The following THSD1 variants were observed in gnomAD, a reference collection of about 807,000 sequenced individuals.
THSD1 encodes thrombospondin type 1 domain containing 1.
THSD1 carries 34 observed loss-of-function variants against 46.3 expected under a neutral mutation model. The observed-to-expected ratio is 0.74, with a 90% CI of 0.56 to 0.98. THSD1 has a LOEUF of 0.98. Among genes scored for constraint, THSD1 ranks in the 50% least tolerant of loss-of-function variants. THSD1 has a pLI of 0.00. For missense variants in THSD1, 1,023 were observed against 1,058.3 expected, an observed-to-expected ratio of 0.97 and a Z score of 0.46; for synonymous variants, 407 against 416.5, an observed-to-expected ratio of 0.98 and a Z score of 0.28.
At position 52,386,034 on chromosome 13, in the gene THSD1, A is replaced by G. The variant is rs765558498; in HGVS notation, c.1174T>C (p.Cys392Arg). The change falls in exon 4 of 5, where the codon TGT becomes CGT. Residue 392 changes from cysteine to arginine, a missense_variant. Cys to Arg is a radical substitution (Grantham distance 180). Coordinates refer to ENST00000258613, the MANE Select transcript of THSD1 (RefSeq NM_018676.4). ...AGGAAGCAAGAATACCTACCAGCACACTCCTCCAGGGAACACAGGGAGGCC... is the reference window on the plus strand; with the variant it reads ...AGGAAGCAAGAATACCTACCAGCACGCTCCTCCAGGGAACACAGGGAGGCC... The part of the protein sequence containing the change: ...LEASLCSLEE[C>R]AAFQPSSPSP... 6.2e-7 allele frequency: 1 copy of G among 1,613,256 alleles called. No individual in the cohort carries two copies. The highest frequency in any genetic ancestry group is 8.5e-7 in the Non-Finnish European group (1 of 1,179,740).
Position 52,378,118 on chromosome 13 carries a change from T to C in THSD1, c.1852A>G (p.Ile618Val). Residue 618 changes from isoleucine (I) to valine (V), a missense_variant, in exon 5 of 5, where the codon ATA becomes GTA. By Grantham distance (29) the Ile-to-Val change is conservative. Coordinates refer to ENST00000258613, the MANE Select transcript of THSD1 (RefSeq NM_018676.4). The part of the protein sequence containing the change: ...DLNVTQASCA[I>V]SPSQTLIRKS... ...CGGATCAGAGTCTGGCTGGGGCTTA[T>C]GGCACAACTGGCCTGAGTCACATTT... 6.2e-7 allele frequency: 1 copy of C among 1,614,206 alleles called. No homozygotes were observed. The highest frequency in any genetic ancestry group is 8.5e-7 in the Non-Finnish European group (1 of 1,180,024).
chr13:52,379,961 C>T (rs1425828656), intron 4 of THSD1, among the ~76,000 whole-genome samples: 1 of 152,146 alleles, frequency 6.6e-6, no homozygotes, highest in African/African-American at 2.4e-5. Flanking sequence ...TAAGACTTGG[C>T]AATACATAAT....
intron 2 of THSD1, 105 bp from the exon 3 acceptor site, chr13:52,398,299 C>T (rs1957827257): frequency 6.7e-7 from 1 of 1,491,388 alleles, no homozygotes; most frequent in Non-Finnish European, 8.9e-7. Flanking sequence ...GAGACAGGGT[C>T]TCATGCTGTC....
At chr13:52,404,388 T>C (rs1957890942) in intron 1 of THSD1, among the ~76,000 whole-genome samples, 1 of 152,222 alleles carries the variant, frequency 6.6e-6, no homozygotes, top group Admixed American at 6.5e-5. Context: ...GTGTGTCTTA[T>C]TAGCTTTCTT....
Position 52,378,802 on chromosome 13 carries a change from A to C in THSD1, c.1181-13T>G, listed in dbSNP as rs555230573. ...GATGGCTGGAAAGCTGCAAAAAAAA[A>C]CAAAACAAAACAAACAAACAAAAAA... On this transcript the variant is annotated splice_polypyrimidine_tract_variant and intron_variant, in intron 4 of 4. Transcript: ENST00000258613. 88 of 1,503,468 alleles carry C rather than the reference A, an allele frequency of 5.9e-5. No homozygotes were observed. The East Asian group carries it at 7.2e-4, about 12-fold the overall frequency. 93.1% of individuals were successfully genotyped at this position (1,503,468 alleles called of 1,614,324 possible).
intron 4 of THSD1, among the ~76,000 whole-genome samples, chr13:52,383,556 A>G (rs992946377): frequency 2.0e-5 from 3 of 152,234 alleles, no homozygotes; most frequent in Non-Finnish European, 4.4e-5. Flanking sequence ...ACACACCATG[A>G]ACCTCTTCAC....
intron 2 of THSD1, 26 bp downstream of exon 2, chr13:52,402,517 G>T: frequency 6.2e-7 from 1 of 1,604,154 alleles, no homozygotes. Context: ...GCTACCAGTA[G>T]CGTTAAGTAT....
intron 2 of THSD1, 138 bp from the exon 3 acceptor site, chr13:52,398,332 G>A (rs969327581): frequency 6.0e-6 from 8 of 1,337,508 alleles, no homozygotes; most frequent in Middle Eastern, 2.7e-4. Context: ...GTGCAGTGGC[G>A]CAATCACTGC....
At chr13:52,401,892 TATATC>T (rs1471922042) in intron 2 of THSD1, among the ~76,000 whole-genome samples, 1 of 152,236 alleles carries the variant, frequency 6.6e-6, no homozygotes, top group Admixed American at 6.5e-5. Flanking sequence ...TAGTGAAGAT[TATATC>T]ATATTGTTGA....
At chr13:52,387,491 T>C (rs758420406) in intron 3 of THSD1, among the ~76,000 whole-genome samples, 7 of 152,216 alleles carry the variant, frequency 4.6e-5, no homozygotes, top group Non-Finnish European at 8.8e-5. Flanking sequence ...GTAATCAAGA[T>C]AACCAGACTC....
In THSD1 at chr13:52,386,197, A is replaced by G. The variant is rs1444441808; in HGVS notation, c.1022-11T>C. The G allele has an allele frequency of 1.2e-6, 2 of 1,613,024 alleles. No individual in the cohort carries two copies. The highest frequency in any genetic ancestry group is 2.7e-5 in the African/African-American group (2 of 74,912). Reference sequence around the variant, plus strand: ...ACAGTCCCCAAGTTTCTGCAAGGATATAAGTTATGCTTTTAATGCTAGTTC... The same window carrying G: ...ACAGTCCCCAAGTTTCTGCAAGGATGTAAGTTATGCTTTTAATGCTAGTTC... On this transcript the variant is annotated splice_polypyrimidine_tract_variant and intron_variant, in intron 3 of 4. Transcript: ENST00000258613.
In THSD1 at chr13:52,404,105, G is replaced by A. The variant is rs144808309; in HGVS notation, c.-81-1424C>T. Among the ~76,000 whole-genome samples the A allele has an allele frequency of 7.7e-3, 1,162 of 151,808 alleles. 10 individuals are homozygous for A. Among genetic ancestry groups the A allele is most frequent in the African/African-American group, 0.022 (922 of 41,408 alleles). On this transcript the variant is annotated intron_variant, in intron 1 of 4. Transcript: ENST00000258613. ...GGGGATTATAGGTGTGCACCACCAC[G>A]CTTGGCTAATTTTTGTATTTTTAGT... is the stretch of plus-strand genomic sequence containing the variant.
chr13:52,396,989 G>A (rs1957817011), intron 3 of THSD1, among the ~76,000 whole-genome samples: 1 of 152,128 alleles, frequency 6.6e-6, no homozygotes, highest in South Asian at 2.1e-4. Context: ...CAATCTCCAC[G>A]ACTCTGAAGT....
chr13:52,377,440 T>C lies in THSD1; in HGVS notation c.2530A>G (p.Thr844Ala), dbSNP rs1957641301. The C allele has an allele frequency of 6.5e-7, 1 of 1,545,216 alleles. No individual in the cohort carries two copies. Among genetic ancestry groups the C allele is most frequent in the Non-Finnish European group, 8.8e-7 (1 of 1,140,436 alleles). Reference protein sequence around the residue: ...GSNEEDETTSTLSVEKLVI With the variant: ...GSNEEDETTSALSVEKLVI ...ATCACCAGCTTCTCCACGCTAAGTGTACTTGTGGTTTCATCCTCTTCATTT... is the reference window on the plus strand; with the variant it reads ...ATCACCAGCTTCTCCACGCTAAGTGCACTTGTGGTTTCATCCTCTTCATTT... The change falls in exon 5 of 5, where the codon ACA becomes GCA. Residue 844 changes from threonine (T) to alanine (A), a missense_variant. This residue lies in a region of THSD1 where 16 missense variants were observed against 42.6 expected (regional missense o/e 0.38). Coordinates refer to ENST00000258613, the MANE Select transcript of THSD1 (RefSeq NM_018676.4).
At position 52,378,042 on chromosome 13, in the gene THSD1, C is replaced by T. The variant is rs764595489; in HGVS notation, c.1928G>A (p.Ser643Asn). Reference sequence around the variant, plus strand: ...CCTGAAATGGGCGTTCCTGGCATGGCTCCTTTCGGACGGGCCCCCTCTGCT... The same window carrying T: ...CCTGAAATGGGCGTTCCTGGCATGGTTCCTTTCGGACGGGCCCCCTCTGCT... ...VGSRGGPSER[S>N]HARNAHFRRT... The change falls in exon 5 of 5, where the codon AGC (serine) becomes AAC (asparagine). Residue 643 changes from serine to asparagine, a missense_variant. Coordinates refer to ENST00000258613, the MANE Select transcript of THSD1 (RefSeq NM_018676.4). 1 of 1,614,174 alleles carries T rather than the reference C, an allele frequency of 6.2e-7. No homozygotes were observed. The highest frequency in any genetic ancestry group is 8.5e-7 in the Non-Finnish European group (1 of 1,180,048).
At position 52,399,515 on chromosome 13, in the gene THSD1, T is replaced by C. The variant is rs73184396; in HGVS notation, c.59-1321A>G. ...TTGTTTGGGGTTGCAGTCTTTAAAA[T>C]ACCCTTATATATATGCAATCAATGA... On this transcript the variant is annotated intron_variant, in intron 2 of 4. Transcript: ENST00000258613. 1.7e-3 allele frequency among the ~76,000 whole-genome samples: 260 copies of C among 152,302 alleles called. 1 individual carries two copies. The highest frequency in any genetic ancestry group is 6.8e-3 in the Middle Eastern group (2 of 294).
At chr13:52,394,731 C>T (rs61958019) in intron 3 of THSD1, among the ~76,000 whole-genome samples, 10,905 of 152,088 alleles carry the variant, frequency 0.072, 522 homozygotes, top group African/African-American at 0.13. Flanking sequence ...AATAAGCATG[C>T]ATTGAGCACC....
intron 4 of THSD1, chr13:52,384,160 G>A: frequency 3.0e-6 from 1 of 333,578 alleles, no homozygotes; most frequent in Non-Finnish European, 5.8e-6. Flanking sequence ...CTCCAGCCTG[G>A]GCAACAAGAG....
intron 2 of THSD1, among the ~76,000 whole-genome samples, chr13:52,401,907 A>G (rs1957866224): frequency 1.3e-5 from 2 of 152,136 alleles, no homozygotes; most frequent in Admixed American, 1.3e-4. Context: ...CATATTGTTG[A>G]CTCTATTGTT....
Sources: gnomAD v4.1 joint callset for allele counts (sites outside exome capture counted in the v4.1 genomes callset) on GRCh38, gnomAD v4.1.1 for gene constraint, gnomAD v4.1.1 regional missense constraint, MANE v1.5 for transcripts, NCBI Gene and HGNC (gene_info 2026-07-23, HGNC 2026-07-21) for gene names.